TANC1: variants seen among roughly 807,000 people sequenced by gnomAD.
TANC1 encodes protein TANC1.
A neutral mutation model predicts 149.7 loss-of-function variants in TANC1; 77 were observed. The observed-to-expected ratio is 0.51, with a 90% CI of 0.43 to 0.62. The LOEUF (loss-of-function observed/expected upper bound fraction) is 0.62. TANC1 is among the 20% of genes least tolerant of loss of function. TANC1 has a pLI of 0.00. For missense variants in TANC1, 1,985 were observed against 2,321.8 expected, an observed-to-expected ratio of 0.85 and a Z score of 2.98; for synonymous variants, 854 against 925.0, an observed-to-expected ratio of 0.92 and a Z score of 1.39.
intron 16 of TANC1, among the ~76,000 whole-genome samples, chr2:159,187,685 G>A (rs753260705): frequency 5.3e-5 from 8 of 152,166 alleles, no homozygotes; most frequent in Non-Finnish European, 8.8e-5. Flanking sequence ...TTCAGGCCCT[G>A]ATGTACCCGG....
At chr2:159,011,030 C>T (rs1395101516) in intron 2 of TANC1, among the ~76,000 whole-genome samples, 1 of 152,130 alleles carries the variant, frequency 6.6e-6, no homozygotes, top group Admixed American at 6.6e-5. Context: ...TGGGGCTTTA[C>T]ATACAATAGT....
At chr2:158,976,078 C>T (rs2033630811) in intron 1 of TANC1, among the ~76,000 whole-genome samples, 1 of 152,116 alleles carries the variant, frequency 6.6e-6, no homozygotes, top group South Asian at 2.1e-4. Flanking sequence ...AAGGGATCCT[C>T]CCACCTTGGC....
At chr2:159,097,949 T>A in intron 4 of TANC1, 115 bp downstream of exon 4, 1 of 882,234 alleles carries the variant, frequency 1.1e-6, no homozygotes, top group Non-Finnish European at 1.7e-6. Flanking sequence ...TTTGTCGCAG[T>A]ATCTTCTAGA....
At chr2:159,036,778 G>A (rs2040225490) in intron 2 of TANC1, among the ~76,000 whole-genome samples, 1 of 152,124 alleles carries the variant, frequency 6.6e-6, no homozygotes, top group Non-Finnish European at 1.5e-5. Context: ...ATTTGGGTTG[G>A]TTCCAAGTCT....
chr2:159,047,471 A>G (rs1216640771), intron 2 of TANC1, among the ~76,000 whole-genome samples: 1 of 152,138 alleles, frequency 6.6e-6, no homozygotes, highest in African/African-American at 2.4e-5. Context: ...AGAAAATTCA[A>G]GCTGGGAACT....
At chr2:159,098,462 G>A (rs1465135026) in intron 4 of TANC1, among the ~76,000 whole-genome samples, 1 of 152,192 alleles carries the variant, frequency 6.6e-6, no homozygotes, top group Non-Finnish European at 1.5e-5. Flanking sequence ...ATCATTAAGT[G>A]ACACATGACT....
intron 4 of TANC1, among the ~76,000 whole-genome samples, chr2:159,133,646 G>A (rs112965899): frequency 0.011 from 1,652 of 151,748 alleles, 32 homozygotes; most frequent in African/African-American, 0.037. Context: ...TTTATGTGTG[G>A]ATATATATAT....
intron 1 of TANC1, among the ~76,000 whole-genome samples, chr2:158,969,032 C>G (rs1353855461): frequency 6.6e-6 from 1 of 152,202 alleles, no homozygotes; most frequent in Non-Finnish European, 1.5e-5. Flanking sequence ...TCCGCACCTT[C>G]CTTGCGCGGT....
chr2:159,034,100 G>A (rs1484429211), intron 2 of TANC1, among the ~76,000 whole-genome samples: 2 of 152,208 alleles, frequency 1.3e-5, no homozygotes, highest in African/African-American at 2.4e-5. Context: ...ATTCTTTACA[G>A]ATGAGCTTTG....
At chr2:158,976,034 A>G (rs1479258545) in intron 1 of TANC1, among the ~76,000 whole-genome samples, 3 of 151,376 alleles carry the variant, frequency 2.0e-5, no homozygotes, top group African/African-American at 7.3e-5. Flanking sequence ...GGGTTTCCCC[A>G]TGTTGCCCAG....
At chr2:159,047,106 T>A (rs2041123225) in intron 2 of TANC1, among the ~76,000 whole-genome samples, 1 of 151,920 alleles carries the variant, frequency 6.6e-6, no homozygotes, top group South Asian at 2.1e-4. Flanking sequence ...GAATTCATCC[T>A]CCTCTTAGAC....
intron 2 of TANC1, among the ~76,000 whole-genome samples, chr2:159,064,466 G>T (rs1325932384): frequency 6.6e-6 from 1 of 152,080 alleles, no homozygotes; most frequent in African/African-American, 2.4e-5. Flanking sequence ...TTGTTTGATT[G>T]TTGTTGCCCA....
intron 1 of TANC1, among the ~76,000 whole-genome samples, chr2:158,989,516 G>T (rs991253321): frequency 1.3e-5 from 2 of 151,604 alleles, no homozygotes; most frequent in Non-Finnish European, 2.9e-5. Context: ...AGGCTGAGGT[G>T]GGAGAATCAC....
chr2:159,051,651 T>TTGTTTG (rs1412892744), intron 2 of TANC1, among the ~76,000 whole-genome samples: 1 of 142,862 alleles, frequency 7.0e-6, no homozygotes, highest in African/African-American at 2.6e-5. Flanking sequence ...GAAGTGGTGT[T>TTGTTTG]TGTGTGTGTG....
intron 3 of TANC1, among the ~76,000 whole-genome samples, chr2:159,076,397 A>G (rs2149760638): frequency 6.6e-6 from 1 of 152,304 alleles, no homozygotes; most frequent in South Asian, 2.1e-4. Context: ...AAAGAAACCA[A>G]AATAAAAGCA....
intron 3 of TANC1, among the ~76,000 whole-genome samples, chr2:159,095,792 G>A (rs1040320353): frequency 1.3e-5 from 2 of 149,008 alleles, no homozygotes; most frequent in Non-Finnish European, 3.0e-5. Context: ...TCTCATATAA[G>A]GCATATGTCC....
chr2:159,229,481 C>A, intron 26 of TANC1, 97 bp from the exon 27 acceptor site: 1 of 1,069,530 alleles, frequency 9.3e-7, no homozygotes, highest in Non-Finnish European at 1.3e-6. Flanking sequence ...TCACTTGCTA[C>A]CTTCTCTTTC....
intron 2 of TANC1, among the ~76,000 whole-genome samples, chr2:159,049,957 G>T (rs1438360424): frequency 6.6e-6 from 1 of 152,196 alleles, no homozygotes; most frequent in Non-Finnish European, 1.5e-5. Context: ...CTGCATACAG[G>T]CAGCAGTTGA....
At chr2:159,221,090 C>A (rs1427507732) in intron 22 of TANC1, among the ~76,000 whole-genome samples, 3 of 152,142 alleles carry the variant, frequency 2.0e-5, no homozygotes, top group Admixed American at 6.5e-5. Flanking sequence ...GTGGCTCATG[C>A]CTGTAATCCC....
Sources: gnomAD v4.1 joint callset for allele counts (sites outside exome capture counted in the v4.1 genomes callset) on GRCh38, gnomAD v4.1.1 for gene constraint, MANE v1.5 for transcripts, NCBI Gene and HGNC (gene_info 2026-07-23, HGNC 2026-07-21) for gene names.